The following CSMD3 variants were observed in gnomAD, a reference collection of about 807,000 sequenced individuals.
CSMD3 encodes CUB and sushi domain-containing protein 3.
A neutral mutation model predicts 435.2 loss-of-function variants in CSMD3; 177 were observed. The ratio of observed to expected loss-of-function variants is 0.41; its 90% CI spans 0.36 to 0.46. The LOEUF is 0.46. CSMD3 is among the 20% of genes least tolerant of loss of function. The pLI, the probability that CSMD3 is intolerant of heterozygous loss-of-function variation, is 0.34. For synonymous variants in CSMD3, 1,656 were observed against 1,520.5 expected (o/e 1.09, Z -2.07); for missense variants, 4,265 against 4,504.6 (o/e 0.95, Z 1.52).
At chr8:113,403,965 T>C (rs530387116) in intron 1 of CSMD3, among the ~76,000 whole-genome samples, 24 of 151,548 alleles carry the variant, frequency 1.6e-4, no homozygotes, top group African/African-American at 5.8e-4. Flanking sequence ...ACCAAAATGA[T>C]TCCAAAAACC....
chr8:112,871,815 CAA>C (rs958242036), intron 10 of CSMD3, among the ~76,000 whole-genome samples: 1 of 151,998 alleles, frequency 6.6e-6, no homozygotes, highest in African/African-American at 2.4e-5. Flanking sequence ...AAGTTATACC[CAA>C]AGTTATGTTT....
intron 5 of CSMD3, among the ~76,000 whole-genome samples, chr8:113,085,216 T>C (rs1395346097): frequency 2.0e-5 from 3 of 149,990 alleles, no homozygotes; most frequent in Non-Finnish European, 3.0e-5. Flanking sequence ...ATTCAGAATA[T>C]ACAAAAAATT....
intron 1 of CSMD3, among the ~76,000 whole-genome samples, chr8:113,392,439 C>G (rs1265190557): frequency 6.6e-6 from 1 of 152,074 alleles, no homozygotes; most frequent in African/African-American, 2.4e-5. Context: ...TGGGAGTTCT[C>G]TCTGATACCA....
At chr8:113,390,786 T>A (rs1171630561) in intron 1 of CSMD3, among the ~76,000 whole-genome samples, 1 of 151,984 alleles carries the variant, frequency 6.6e-6, no homozygotes, top group African/African-American at 2.4e-5. Flanking sequence ...TTGGCATTGT[T>A]CTCTGATGAG....
intron 13 of CSMD3, among the ~76,000 whole-genome samples, chr8:112,755,129 A>C (rs979034549): frequency 1.3e-5 from 2 of 152,004 alleles, no homozygotes; most frequent in African/African-American, 2.4e-5. Context: ...CAGCAGATCG[A>C]GACCATCTTG....
In CSMD3 at chr8:112,492,672, C is replaced by A. The variant is rs753457700; in HGVS notation, c.5095G>T (p.Glu1699Ter). 1 of 1,613,608 alleles carries A rather than the reference C, an allele frequency of 6.2e-7. No individual in the cohort carries two copies. Among genetic ancestry groups the A allele is most frequent in the South Asian group, 1.1e-5 (1 of 91,072 alleles). The change falls in exon 31 of 71, where the codon GAG (glutamate) becomes TAG (stop). Residue 1699 changes from glutamate to a stop codon, truncating the protein, a stop_gained. Transcript: ENST00000297405. LOFTEE classifies it high-confidence loss of function. ...FHLEYKAKLRESCFDPGNIMN... is the reference protein window; with the variant it reads ...FHLEYKAKLR ...ATATTGCCTGGATCAAAGCAGGACT[C>A]TCGCAGTTTTGCTGTAAAACAGTGT... is the stretch of plus-strand genomic sequence containing the variant.
intron 24 of CSMD3, among the ~76,000 whole-genome samples, chr8:112,562,152 G>A (rs1010093447): frequency 5.3e-5 from 8 of 151,486 alleles, no homozygotes; most frequent in Admixed American, 2.0e-4. Context: ...CTTCTGTCTT[G>A]GCTTACTAAA....
chr8:113,282,607 T>C (rs1402757118), intron 2 of CSMD3, among the ~76,000 whole-genome samples: 1 of 151,942 alleles, frequency 6.6e-6, no homozygotes, highest in Non-Finnish European at 1.5e-5. Flanking sequence ...AATGGAAACA[T>C]ACCATGCACA....
chr8:112,929,188 C>T (rs1331274867), intron 9 of CSMD3, among the ~76,000 whole-genome samples: 1 of 129,504 alleles, frequency 7.7e-6, no homozygotes, highest in African/African-American at 3.0e-5. Flanking sequence ...TGGATATTAG[C>T]CCTTTGTCAG....
intron 32 of CSMD3, among the ~76,000 whole-genome samples, chr8:112,469,248 C>T (rs1348328170): frequency 1.3e-5 from 2 of 150,508 alleles, no homozygotes; most frequent in Middle Eastern, 7.0e-3. Flanking sequence ...TGAAAACTGT[C>T]ATCTGTTCTT....
At chr8:113,198,807 A>C (rs2092687684) in intron 3 of CSMD3, among the ~76,000 whole-genome samples, 1 of 151,176 alleles carries the variant, frequency 6.6e-6, no homozygotes, top group African/African-American at 2.4e-5. Context: ...TTCTCCATTT[A>C]ATATAATTAA....
chr8:112,937,787 T>C (rs1221694540), intron 9 of CSMD3, among the ~76,000 whole-genome samples: 1 of 152,112 alleles, frequency 6.6e-6, no homozygotes, highest in African/African-American at 2.4e-5. Flanking sequence ...GTATTGTCTG[T>C]ATAACACAAG....
intron 32 of CSMD3, among the ~76,000 whole-genome samples, chr8:112,472,138 A>G (rs560894527): frequency 9.3e-4 from 141 of 152,310 alleles, no homozygotes; most frequent in African/African-American, 3.2e-3. Flanking sequence ...AGATGCTTAA[A>G]ACCAAAAACT....
intron 31 of CSMD3, among the ~76,000 whole-genome samples, chr8:112,473,716 G>A (rs895366128): frequency 7.7e-5 from 11 of 143,060 alleles, no homozygotes; most frequent in Admixed American, 3.6e-4. Flanking sequence ...TTTGCAGGAA[G>A]AGGGATTTTT....
chr8:113,180,238 T>C (rs932120385), intron 3 of CSMD3, among the ~76,000 whole-genome samples: 6 of 151,914 alleles, frequency 3.9e-5, no homozygotes, highest in African/African-American at 1.5e-4. Flanking sequence ...GTACCTCTCA[T>C]CCTGAGACTT....
chr8:112,533,449 C>CA (rs1825736679), intron 27 of CSMD3, among the ~76,000 whole-genome samples: 1 of 150,882 alleles, frequency 6.6e-6, no homozygotes, highest in Non-Finnish European at 1.5e-5. Flanking sequence ...AAACGGAAAC[C>CA]AAAAAAAGAG....
intron 5 of CSMD3, among the ~76,000 whole-genome samples, chr8:113,044,922 G>A (rs989717416): frequency 6.7e-5 from 10 of 148,878 alleles, no homozygotes; most frequent in Non-Finnish European, 1.4e-4. Context: ...TATATTTTGA[G>A]GACTTGCCCA....
intron 5 of CSMD3, among the ~76,000 whole-genome samples, chr8:113,034,853 T>C (rs2087271968): frequency 6.6e-6 from 1 of 152,074 alleles, no homozygotes; most frequent in South Asian, 2.1e-4. Context: ...TATTACATAA[T>C]TATAGAAAAT....
At chr8:112,885,332 G>A (rs1294050237) in intron 10 of CSMD3, among the ~76,000 whole-genome samples, 2 of 149,016 alleles carry the variant, frequency 1.3e-5, no homozygotes, top group Admixed American at 6.9e-5. Flanking sequence ...AATAGTCATA[G>A]AGTTGGCTAA....
Sources: gnomAD v4.1 joint callset for allele counts (sites outside exome capture counted in the v4.1 genomes callset) on GRCh38, gnomAD v4.1.1 for gene constraint, MANE v1.5 for transcripts, NCBI Gene and HGNC (gene_info 2026-07-23, HGNC 2026-07-21) for gene names.